USP45: variants seen among roughly 807,000 people sequenced by gnomAD.
USP45 encodes ubiquitin carboxyl-terminal hydrolase 45.
USP45 carries 89 observed loss-of-function variants against 95.8 expected under a neutral mutation model. The observed-to-expected ratio is 0.93, with a 90% CI of 0.78 to 1.11. The LOEUF is 1.11. Ranked by LOEUF, USP45 falls within the 50% of genes least tolerant of loss-of-function variation. The probability of loss-of-function intolerance (pLI) is 0.00; values close to 1 mark genes in which losing one functional copy is unlikely to be tolerated. For missense variants in USP45, 898 were observed against 942.5 expected (o/e 0.95, Z 0.62); for synonymous variants, 281 against 316.2 (o/e 0.89, Z 1.18).
At chr6:99,470,734 A>G (rs1225010768) in intron 9 of USP45, among the ~76,000 whole-genome samples, 1 of 152,222 alleles carries the variant, frequency 6.6e-6, no homozygotes, top group Non-Finnish European at 1.5e-5. Context: ...AAAAGAATTT[A>G]TTGAACTAAA....
chr6:99,482,829 G>T lies in USP45; in HGVS notation c.769C>A (p.Leu257Met). ...GTCTCCTTCATGCTGTGAAGAAACA[G>T]GAACAAGGCTGAGGTCAGTGGTCCA... ...RPGPLTSALF[L>M]FLHSMKETEK... Residue 257 changes from leucine (L) to methionine (M), a missense_variant, in exon 8 of 18, where the codon CTG (leucine) becomes ATG (methionine). Leu to Met is a conservative substitution (Grantham distance 15). Transcript: ENST00000500704. The T allele has an allele frequency of 6.2e-7, 1 of 1,606,402 alleles. No homozygotes were observed. Among genetic ancestry groups the T allele is most frequent in the Admixed American group, 1.7e-5 (1 of 59,506 alleles).
At chr6:99,448,415 T>C (rs558708892) in intron 13 of USP45, among the ~76,000 whole-genome samples, 2 of 152,252 alleles carry the variant, frequency 1.3e-5, no homozygotes, top group South Asian at 2.1e-4. Context: ...AGTAGCCGAT[T>C]TGATCAACTG....
Position 99,510,240 on chromosome 6 carries a change from T to G in USP45, c.-10-10A>C. On this transcript the variant is annotated splice_polypyrimidine_tract_variant and intron_variant, in intron 1 of 17. Coordinates refer to ENST00000500704, the MANE Select transcript of USP45 (RefSeq NM_001346022.3). Reference sequence around the variant, plus strand: ...CCGCATCTGTTATTTACTGAAGGGATTGAGGGAAAAAAATTCATACATTTT... The same window carrying G: ...CCGCATCTGTTATTTACTGAAGGGAGTGAGGGAAAAAAATTCATACATTTT... 1 of 1,586,878 alleles carries G rather than the reference T, an allele frequency of 6.3e-7. No homozygotes were observed. The highest frequency in any genetic ancestry group is 8.6e-7 in the Non-Finnish European group (1 of 1,165,238).
At chr6:99,460,772 A>C (rs1430040740) in intron 13 of USP45, 1 of 984,554 alleles carries the variant, frequency 1.0e-6, no homozygotes, top group Non-Finnish European at 1.2e-6. Flanking sequence ...ATATAACCCC[A>C]ATGATGAGAG....
chr6:99,465,943 C>T (rs950013697), intron 11 of USP45, among the ~76,000 whole-genome samples: 12 of 151,774 alleles, frequency 7.9e-5, no homozygotes, highest in African/African-American at 2.4e-4. Flanking sequence ...ATCTTTAATA[C>T]GTCATATAAA....
At chr6:99,457,766 G>A (rs183466379) in intron 13 of USP45, among the ~76,000 whole-genome samples, 3 of 152,240 alleles carry the variant, frequency 2.0e-5, no homozygotes, top group East Asian at 1.9e-4. Context: ...ATACATATCC[G>A]AGGCATTACC....
At chr6:99,464,369 T>C (rs889693808) in intron 13 of USP45, among the ~76,000 whole-genome samples, 75 of 152,248 alleles carry the variant, frequency 4.9e-4, no homozygotes, top group Admixed American at 3.7e-3. Context: ...TATGATATAT[T>C]TGGGATTTAT....
At chr6:99,455,315 C>T (rs1784804228) in intron 13 of USP45, among the ~76,000 whole-genome samples, 1 of 151,562 alleles carries the variant, frequency 6.6e-6, no homozygotes, top group South Asian at 2.1e-4. Context: ...CGTGGTGGCA[C>T]ATGCCTGTAG....
At chr6:99,499,308 C>G (rs1796925610) in intron 5 of USP45, among the ~76,000 whole-genome samples, 1 of 152,146 alleles carries the variant, frequency 6.6e-6, no homozygotes, top group Non-Finnish European at 1.5e-5. Context: ...GTTTCATATT[C>G]CTTTTATCAT....
At chr6:99,437,094 C>CTCCAATCAA in intron 17 of USP45, 152 bp downstream of exon 17, 1 of 762,106 alleles carries the variant, frequency 1.3e-6, no homozygotes, top group Non-Finnish European at 2.0e-6. Context: ...GAGACTCTGT[C>CTCCAATCAA]TCAATCAATC....
At chr6:99,488,351 T>C (rs1794456425) in intron 6 of USP45, 56 bp from the exon 7 acceptor site, 2 of 1,141,460 alleles carry the variant, frequency 1.8e-6, no homozygotes, top group Non-Finnish European at 2.5e-6. Context: ...CCTCTGATTT[T>C]ATGGAATACA....
chr6:99,470,886 TAACTC>T lies in USP45; in HGVS notation c.934-2273_934-2269del, dbSNP rs146397965. Among the ~76,000 whole-genome samples, 1,362 of 152,302 alleles carry T rather than the reference TAACTC, an allele frequency of 8.9e-3. 9 individuals are homozygous for T. Among genetic ancestry groups the T allele is most frequent in the Non-Finnish European group, 0.014 (984 of 67,998 alleles). On this transcript the variant is annotated intron_variant, in intron 9 of 17. Coordinates refer to ENST00000500704, the MANE Select transcript of USP45 (RefSeq NM_001346022.3). ...TCAAACAACTCAAGAGAAATACTTC[TAACTC>T]AACTCAGTCTGTAAATTTATCCTAC...
intron 7 of USP45, among the ~76,000 whole-genome samples, chr6:99,483,844 C>CCA (rs1793073874): frequency 1.2e-5 from 1 of 86,586 alleles, no homozygotes; most frequent in Admixed American, 1.6e-4. Flanking sequence ...GACTCCGTCT[C>CCA]AAAAAAAAAA....
intron 5 of USP45, among the ~76,000 whole-genome samples, chr6:99,492,511 T>G (rs1197180670): frequency 6.6e-6 from 1 of 152,104 alleles, no homozygotes; most frequent in Non-Finnish European, 1.5e-5. Context: ...TTTTTTTTTT[T>G]GAGATAGAGT....
At chr6:99,508,087 T>C (rs916591384) in intron 3 of USP45, among the ~76,000 whole-genome samples, 1 of 152,252 alleles carries the variant, frequency 6.6e-6, no homozygotes. Flanking sequence ...CAGTTTTTAA[T>C]GTTCTTTCCA....
intron 9 of USP45, among the ~76,000 whole-genome samples, chr6:99,475,898 CA>C (rs1790711394): frequency 6.6e-6 from 1 of 152,162 alleles, no homozygotes; most frequent in African/African-American, 2.4e-5. Flanking sequence ...GATCTCCGCT[CA>C]CTGCAACCTC....
At chr6:99,441,383 T>C (rs1446874848) in intron 15 of USP45, among the ~76,000 whole-genome samples, 1 of 151,930 alleles carries the variant, frequency 6.6e-6, no homozygotes, top group Non-Finnish European at 1.5e-5. Flanking sequence ...AATACAAAAA[T>C]TAGCCAGGTG....
Position 99,437,359 on chromosome 6 carries a change from C to T in USP45, c.2201G>A (p.Gly734Asp), listed in dbSNP as rs748532056. 1.2e-6 allele frequency: 2 copies of T among 1,611,164 alleles called. No homozygotes were observed. Among genetic ancestry groups the T allele is most frequent in the East Asian group, 4.5e-5 (2 of 44,816 alleles). The change falls in exon 17 of 18, where the codon GGC (glycine) becomes GAC (aspartate). Residue 734 changes from glycine (G) to aspartate (D), a missense_variant. Transcript: ENST00000500704. ...CATCGAGCCACTATGTTCCACTATG[C>T]CATAGAGACCGTAGAGAACTTTATC... ...VGDKVLYGLY[G>D]IVEHSGSMRE... is the part of the protein sequence containing the mutation.
In USP45 at chr6:99,455,441, ACT is replaced by A. The variant is rs1221941898; in HGVS notation, c.1309-8980_1309-8979del. Among the ~76,000 whole-genome samples, 8 of 145,224 alleles carry A rather than the reference ACT, an allele frequency of 5.5e-5. No homozygotes were observed. In the South Asian group the frequency reaches 7.0e-4, roughly 13 times the overall value. ...ACTTCAGCCTGGGCGATGGAGCGAG[ACT>A]CTGTCTCAAACAACAACAACAACAA... On this transcript the variant is annotated intron_variant, in intron 13 of 17. Transcript: ENST00000500704.
Sources: gnomAD v4.1 joint callset for allele counts (sites outside exome capture counted in the v4.1 genomes callset) on GRCh38, gnomAD v4.1.1 for gene constraint, MANE v1.5 for transcripts, NCBI Gene and HGNC (gene_info 2026-07-23, HGNC 2026-07-21) for gene names.